The following PLCXD1 variants were observed in gnomAD, a reference collection of about 807,000 sequenced individuals.
PLCXD1 encodes the protein phosphatidylinositol specific phospholipase C X domain containing 1, also known as PI-PLC X domain-containing protein 1.
PLCXD1 carries 45 observed loss-of-function variants against 37.8 expected under a neutral mutation model. The observed-to-expected ratio is 1.19, with a 90% confidence interval of 0.94 to 1.53. The LOEUF is 1.53. PLCXD1 is among the 40% of genes most tolerant of loss of function. The pLI is 0.00. For synonymous variants in PLCXD1, 246 were observed against 206.9 expected, an observed-to-expected ratio of 1.19 and a Z score of -1.62; for missense variants, 539 against 454.7, an observed-to-expected ratio of 1.19 and a Z score of -1.69.
chrX:292,938 G>C (rs1175529566), intron 5 of PLCXD1, 97 bp from the exon 6 acceptor site: 1 of 795,638 alleles, frequency 1.3e-6, no homozygotes, highest in Non-Finnish European at 2.0e-6. Context: ...GTTTATACTC[G>C]TGTTGGGCCG....
chrX:284,995 G>A (rs2069400208), intron 2 of PLCXD1, among the ~76,000 whole-genome samples: 2 of 152,126 alleles, frequency 1.3e-5, no homozygotes, highest in African/African-American at 4.8e-5. Flanking sequence ...CATGACAGAT[G>A]GGAATTATGG....
upstream of PLCXD1, among the ~76,000 whole-genome samples, chrX:280,341 G>GT (rs2069238296): frequency 1.3e-5 from 1 of 79,630 alleles, no homozygotes; most frequent in Non-Finnish European, 2.5e-5. Flanking sequence ...GGGAGGGGAG[G>GT]CCGTGCAGGG....
chrX:290,060 G>T (rs1348403077), intron 3 of PLCXD1, among the ~76,000 whole-genome samples: 1 of 151,710 alleles, frequency 6.6e-6, no homozygotes, highest in Admixed American at 6.6e-5. Context: ...CAGGATCAAA[G>T]GATCCTCCTT....
At position 290,681 on chromosome X, in the gene PLCXD1, G is replaced by A. The variant is rs201155514; in HGVS notation, c.298G>A (p.Val100Met). The change falls in exon 4 of 7, where the codon GTG becomes ATG. Residue 100 changes from valine to methionine, a missense_variant. Physicochemically the swap from Val to Met is conservative, Grantham distance 21. Transcript: ENST00000381657. ...LDVTEQLDAG[V>M]RYLDLRIAHM... ...CGTCACAGAGCAGCTGGATGCCGGG[G>A]TGCGGTACCTGGACCTGCGGATAGC... 1.9e-6 allele frequency: 3 copies of A among 1,613,680 alleles called. No homozygotes were observed. Among genetic ancestry groups the A allele is most frequent in the Admixed American group, 3.3e-5 (2 of 59,992 alleles).
intron 1 of PLCXD1, among the ~76,000 whole-genome samples, chrX:281,910 GCTA>G: frequency 6.6e-6 from 1 of 152,214 alleles, no homozygotes; most frequent in African/African-American, 2.4e-5. Context: ...ACCACGGCCG[GCTA>G]CTTTTTGTAC....
chrX:294,402 A>C (rs2069738225), intron 6 of PLCXD1, among the ~76,000 whole-genome samples: 1 of 151,688 alleles, frequency 6.6e-6, no homozygotes, highest in Non-Finnish European at 1.5e-5. Flanking sequence ...GAATGGTGTG[A>C]ACTCGGGAGG....
rs774913642 is a variant in PLCXD1, at chrX:291,461, G to C, written c.394-38G>C. On this transcript the variant is annotated intron_variant, in intron 4 of 6. Coordinates refer to ENST00000381657, the MANE Select transcript of PLCXD1 (RefSeq NM_018390.4). The stretch of plus-strand genomic sequence containing the variant: ...ACACCCCGCCTTCCCTGTGGTGTTG[G>C]AGTCGTGCAGGACTCAGCCCAGCAC... 3.1e-6 allele frequency: 5 copies of C among 1,608,666 alleles called. No individual in the cohort carries two copies. In the East Asian group the frequency reaches 1.1e-4, roughly 36 times the overall value.
At chrX:289,544 A>T (rs1308514887) in intron 3 of PLCXD1, among the ~76,000 whole-genome samples, 3 of 123,380 alleles carry the variant, frequency 2.4e-5, no homozygotes, top group Non-Finnish European at 3.2e-5. Flanking sequence ...ACGGAGTCTC[A>T]CTGCCGCCCA....
chrX:292,614 AATTT>A lies in PLCXD1; in HGVS notation c.550-408_550-405del, dbSNP rs1288162010. Among the ~76,000 whole-genome samples the A allele has an allele frequency of 7.9e-5, 11 of 139,450 alleles. No homozygotes were observed. The South Asian group carries it at 1.2e-3, about 15-fold the overall frequency. 91.5% of individuals were successfully genotyped at this position (139,450 alleles called of 152,430 possible). A position where few individuals can be genotyped will look rare whatever the true frequency, so the allele number is the denominator to read the frequency against. On this transcript the variant is annotated intron_variant, in intron 5 of 6. Coordinates refer to ENST00000381657, the MANE Select transcript of PLCXD1 (RefSeq NM_018390.4). ...TGAGCCCCTGCACCTGGCCATACTT[AATTT>A]ATTTATTTATTTGAGAGGGAGTCTC...
chrX:287,294 T>C (rs902202580), intron 2 of PLCXD1, among the ~76,000 whole-genome samples: 5 of 145,462 alleles, frequency 3.4e-5, no homozygotes, highest in African/African-American at 9.9e-5. Context: ...TTTATATAAA[T>C]ATATGATACA....
chrX:286,550 A>G (rs2069456711), intron 2 of PLCXD1, among the ~76,000 whole-genome samples: 1 of 152,132 alleles, frequency 6.6e-6, no homozygotes, highest in Non-Finnish European at 1.5e-5. Context: ...GAGCTCCTTA[A>G]AAAAGAAATT....
In PLCXD1 at chrX:288,881, GC is replaced by G; in HGVS notation, c.264+16del. The G allele has an allele frequency of 6.2e-7, 1 of 1,611,516 alleles. No individual in the cohort carries two copies. Among genetic ancestry groups the G allele is most frequent in the African/African-American group, 1.3e-5 (1 of 74,966 alleles). On this transcript the variant is annotated intron_variant, in intron 3 of 6. Coordinates refer to ENST00000381657, the MANE Select transcript of PLCXD1 (RefSeq NM_018390.4). ...GGTCCGTCACCCAGGTACGGTCTGT[GC>G]CCCGTGCTGCTGACCTGGCCTGTCA...
intron 2 of PLCXD1, among the ~76,000 whole-genome samples, chrX:284,630 G>A (rs1377689403): frequency 4.7e-5 from 7 of 148,254 alleles, no homozygotes; most frequent in East Asian, 4.0e-4. Context: ...ATCTGCACAC[G>A]CACATCTGCA....
chrX:284,254 T>C lies in PLCXD1; in HGVS notation c.67T>C (p.Trp23Arg), dbSNP rs141124064. ...GCACTGCAGAAATGCCAACGAGGAC[T>C]GGATGTCGGCACTGTGTCCCCGGCT... Reference protein sequence around the residue: ...RLHCRNANEDWMSALCPRLWD... With the variant: ...RLHCRNANEDRMSALCPRLWD... Residue 23 changes from tryptophan (W) to arginine (R), a missense_variant, in exon 2 of 7, where the codon TGG (tryptophan) becomes CGG (arginine). Physicochemically the swap from Trp to Arg is moderately radical, Grantham distance 101. Transcript: ENST00000381657. 381 of 1,613,204 alleles carry C rather than the reference T, an allele frequency of 2.4e-4. No homozygotes were observed. Among genetic ancestry groups the C allele is most frequent in the Non-Finnish European group, 2.5e-4 (295 of 1,179,528 alleles).
intron 1 of PLCXD1, chrX:283,857 C>A (rs924060362): frequency 2.4e-4 from 55 of 229,660 alleles, no homozygotes; most frequent in African/African-American, 1.2e-3. Flanking sequence ...TCCAAGGACC[C>A]CTTTTCCTCT....
In PLCXD1 at chrX:299,584, C is replaced by T. The variant is rs2069935845; in HGVS notation, c.*249C>T. 1.8e-6 allele frequency: 1 copy of T among 571,270 alleles called. No individual in the cohort carries two copies. Among genetic ancestry groups the T allele is most frequent in the African/African-American group, 2.0e-5 (1 of 50,124 alleles). The allele number at this position is 571,270 out of a possible 1,614,324, so 35.4% of individuals were successfully genotyped here. On this transcript the variant is annotated 3_prime_UTR_variant, in exon 7 of 7. Coordinates refer to ENST00000381657, the MANE Select transcript of PLCXD1 (RefSeq NM_018390.4). ...AGCAGCCTGACCAACATGGTGAAATCCCATCTCTACTAAAAATACAAAACT... is the reference window on the plus strand; with the variant it reads ...AGCAGCCTGACCAACATGGTGAAATTCCATCTCTACTAAAAATACAAAACT...
intron 2 of PLCXD1, among the ~76,000 whole-genome samples, chrX:288,034 G>A (rs1047280659): frequency 6.6e-6 from 1 of 151,888 alleles, no homozygotes; most frequent in Non-Finnish European, 1.5e-5. Context: ...GGGGCTCCAG[G>A]CATCCCTGGG....
In PLCXD1 at chrX:299,692, G is replaced by A. The variant is rs1569338783; in HGVS notation, c.*357G>A. On this transcript the variant is annotated 3_prime_UTR_variant, in exon 7 of 7. Coordinates refer to ENST00000381657, the MANE Select transcript of PLCXD1 (RefSeq NM_018390.4). ...GAACTGCTTGAAGCCGGGAGATGGA[G>A]GTTGCATTGAGCTGACATCGTGCCA... 7.8e-6 allele frequency: 3 copies of A among 382,170 alleles called. No individual in the cohort carries two copies. Among genetic ancestry groups the A allele is most frequent in the South Asian group, 3.0e-5 (1 of 33,386 alleles). 23.7% of individuals were successfully genotyped at this position (382,170 alleles called of 1,614,324 possible).
chrX:284,610 A>ACATCTG (rs1557375687), intron 2 of PLCXD1, among the ~76,000 whole-genome samples: 2 of 34,582 alleles, frequency 5.8e-5, no homozygotes, highest in Admixed American at 2.9e-4. Flanking sequence ...GCACACACGC[A>ACATCTG]CACATGCACA....
Sources: gnomAD v4.1 joint callset for allele counts (sites outside exome capture counted in the v4.1 genomes callset) on GRCh38, gnomAD v4.1.1 for gene constraint, MANE v1.5 for transcripts, NCBI Gene and HGNC (gene_info 2026-07-23, HGNC 2026-07-21) for gene names.